The following ASTN2 variants were observed in gnomAD, a reference collection of about 807,000 sequenced individuals.
ASTN2 encodes astrotactin-2.
A neutral mutation model predicts 139.8 loss-of-function variants in ASTN2; 54 were observed. That is an observed-to-expected ratio of 0.39 (90% CI 0.31 to 0.48). The LOEUF is 0.48. Ranked by LOEUF, ASTN2 falls within the 20% of genes least tolerant of loss-of-function variation. The pLI is 0.95. For missense variants in ASTN2, 1,565 were observed against 1,725.1 expected, an observed-to-expected ratio of 0.91 and a Z score of 1.64; for synonymous variants, 756 against 719.5, an observed-to-expected ratio of 1.05 and a Z score of -0.81.
At chr9:117,199,683 G>A (rs1386470726) in intron 3 of ASTN2, among the ~76,000 whole-genome samples, 3 of 151,964 alleles carry the variant, frequency 2.0e-5, no homozygotes, top group Non-Finnish European at 2.9e-5. Context: ...ATGGTAGTTC[G>A]ATGGGAATAG....
intron 2 of ASTN2, among the ~76,000 whole-genome samples, chr9:117,250,521 A>T (rs375615227): frequency 6.6e-6 from 1 of 152,356 alleles, no homozygotes; most frequent in East Asian, 1.9e-4. Context: ...ATATTTTTCT[A>T]ACCATTATTT....
intron 10 of ASTN2, among the ~76,000 whole-genome samples, chr9:116,939,080 G>C (rs1244911179): frequency 6.6e-6 from 1 of 152,170 alleles, no homozygotes; most frequent in African/African-American, 2.4e-5. Flanking sequence ...AATCAGCTCA[G>C]GCTTTGCTGG....
intron 19 of ASTN2, among the ~76,000 whole-genome samples, chr9:116,557,223 CAAAAAAAAAAAA>C (rs60756690): frequency 7.5e-5 from 4 of 53,594 alleles, no homozygotes; most frequent in South Asian, 7.7e-4. Context: ...GACTCTGTCT[CAAAAAAAAAAAA>C]AAAAAAAAAA....
chr9:116,795,391 T>G (rs565130575), intron 13 of ASTN2, among the ~76,000 whole-genome samples: 1 of 152,360 alleles, frequency 6.6e-6, no homozygotes, highest in African/African-American at 2.4e-5. Flanking sequence ...ATATGAACAC[T>G]TAAATCCCAC....
At position 116,976,753 on chromosome 9, in the gene ASTN2, CA is replaced by C. The variant is rs1836351767; in HGVS notation, c.1623del (p.Asp542ThrfsTer32). Reference protein sequence around the residue: ...GECSCHEGYAPDPVHRHLCVR... With the variant: ...GECSCHEGYAXDPVHRHLCVR... ...ACACACAGGTGTCTGTGAACAGGGT[CA>C]GGGGCATAGCCTTCATGACAGCTGC... On this transcript the variant is annotated frameshift_variant, in exon 8 of 23. Coordinates refer to ENST00000313400, the MANE Select transcript of ASTN2 (RefSeq NM_001365068.1). LOFTEE classifies it high-confidence loss of function. The C allele has an allele frequency of 1.2e-6, 2 of 1,614,096 alleles. No homozygotes were observed. Among genetic ancestry groups the C allele is most frequent in the Non-Finnish European group, 1.7e-6 (2 of 1,179,980 alleles).
intron 11 of ASTN2, among the ~76,000 whole-genome samples, chr9:116,850,802 G>A (rs1832576901): frequency 6.6e-6 from 1 of 152,082 alleles, no homozygotes; most frequent in Non-Finnish European, 1.5e-5. Flanking sequence ...CGCTCATGTG[G>A]GTGCCAAAGA....
intron 11 of ASTN2, among the ~76,000 whole-genome samples, chr9:116,826,239 C>A (rs1202500403): frequency 6.6e-6 from 1 of 152,198 alleles, no homozygotes; most frequent in African/African-American, 2.4e-5. Flanking sequence ...ATACCCACTG[C>A]CCTGCAAGGG....
chr9:117,204,544 T>C (rs1207433314), intron 3 of ASTN2, among the ~76,000 whole-genome samples: 1 of 152,194 alleles, frequency 6.6e-6, no homozygotes, highest in Non-Finnish European at 1.5e-5. Context: ...CTGATTATTT[T>C]TGTACAGTGT....
At chr9:116,901,889 A>G (rs1187405467) in intron 10 of ASTN2, among the ~76,000 whole-genome samples, 1 of 152,156 alleles carries the variant, frequency 6.6e-6, no homozygotes, top group Non-Finnish European at 1.5e-5. Flanking sequence ...TTAGCCAGGC[A>G]TGGTGGTATG....
intron 19 of ASTN2, among the ~76,000 whole-genome samples, chr9:116,550,780 G>A (rs1045870734): frequency 1.3e-5 from 2 of 152,202 alleles, no homozygotes; most frequent in Admixed American, 1.3e-4. Flanking sequence ...ACCTGATGCA[G>A]GTGGGTTGGG....
chr9:117,092,877 T>TG (rs1828740237), intron 5 of ASTN2, among the ~76,000 whole-genome samples: 1 of 152,180 alleles, frequency 6.6e-6, no homozygotes, highest in South Asian at 2.1e-4. Flanking sequence ...CAGGCAGGCC[T>TG]GGGGGTGTAG....
intron 19 of ASTN2, chr9:116,610,870 C>T (rs1459562181): frequency 6.7e-6 from 1 of 149,556 alleles, no homozygotes; most frequent in East Asian, 1.9e-4. Flanking sequence ...GGTTTTAATA[C>T]CCCTCTCTCA....
At chr9:116,915,081 C>G (rs1471553819) in intron 10 of ASTN2, among the ~76,000 whole-genome samples, 2 of 152,280 alleles carry the variant, frequency 1.3e-5, no homozygotes, top group Middle Eastern at 3.4e-3. Flanking sequence ...GCAAACTTTT[C>G]TTAGGGATGC....
intron 19 of ASTN2, among the ~76,000 whole-genome samples, chr9:116,491,699 C>A (rs34513895): frequency 0.16 from 23,789 of 152,150 alleles, 2,276 homozygotes; most frequent in Middle Eastern, 0.23. Flanking sequence ...TTCTTCCTCA[C>A]CCAGTGGAGG....
In ASTN2 at chr9:116,529,718, C is replaced by T. The variant is rs574365405; in HGVS notation, c.3356-42218G>A. ...TGAGGGCAGTCTCCCCTATGCTGTTCTCATGATAGTGAGTGAGTTCTCATG... is the reference window on the plus strand; with the variant it reads ...TGAGGGCAGTCTCCCCTATGCTGTTTTCATGATAGTGAGTGAGTTCTCATG... On this transcript the variant is annotated intron_variant, in intron 19 of 22. Transcript: ENST00000313400. Among the ~76,000 whole-genome samples the T allele has an allele frequency of 3.3e-5, 5 of 152,092 alleles. No individual in the cohort carries two copies. The South Asian group carries it at 8.3e-4, about 25-fold the overall frequency.
intron 2 of ASTN2, among the ~76,000 whole-genome samples, chr9:117,267,506 T>A (rs1164318937): frequency 3.9e-5 from 6 of 152,218 alleles, no homozygotes; most frequent in Non-Finnish European, 8.8e-5. Context: ...ATATACTATG[T>A]TTATGAAAGA....
intron 19 of ASTN2, among the ~76,000 whole-genome samples, chr9:116,551,593 C>A (rs1852348618): frequency 6.6e-6 from 1 of 152,132 alleles, no homozygotes; most frequent in South Asian, 2.1e-4. Flanking sequence ...GGGGGACTGG[C>A]CCCAACATTC....
At chr9:116,691,790 T>G (rs803938) in intron 16 of ASTN2, among the ~76,000 whole-genome samples, 1 of 152,088 alleles carries the variant, frequency 6.6e-6, no homozygotes, top group Non-Finnish European at 1.5e-5. Context: ...CGAGTGGCCT[T>G]TGGTGGCACA....
At position 116,854,626 on chromosome 9, in the gene ASTN2, C is replaced by T. The variant is rs566352124; in HGVS notation, c.2040+8957G>A. On this transcript the variant is annotated intron_variant, in intron 11 of 22. Coordinates refer to ENST00000313400, the MANE Select transcript of ASTN2 (RefSeq NM_001365068.1). Reference sequence around the variant, plus strand: ...CTAGGAGTGCAGCTTCCATTTCCTGCCTCCAATTTGGGGCTTCCTTCTCTC... The same window carrying T: ...CTAGGAGTGCAGCTTCCATTTCCTGTCTCCAATTTGGGGCTTCCTTCTCTC... Among the ~76,000 whole-genome samples, 55 of 151,098 alleles carry T rather than the reference C, an allele frequency of 3.6e-4. No individual in the cohort carries two copies. The South Asian group carries it at 5.5e-3, about 15-fold the overall frequency.
Sources: allele counts gnomAD v4.1 joint callset (sites outside exome capture counted in the v4.1 genomes callset), GRCh38; gene constraint gnomAD v4.1.1; transcripts MANE v1.5; gene names NCBI Gene and HGNC (gene_info 2026-07-23, HGNC 2026-07-21).